BANK1: variants seen among roughly 807,000 people sequenced by gnomAD.
BANK1 encodes B cell scaffold protein with ankyrin repeats 1, also known as B-cell scaffold protein with ankyrin repeats.
Under a neutral mutation model 94.5 loss-of-function variants are expected in BANK1, and 95 were observed. That is an observed-to-expected ratio of 1.00 (90% CI 0.85 to 1.19). The LOEUF (loss-of-function observed/expected upper bound fraction) is 1.19. Among genes scored for constraint, BANK1 ranks in the 50% most tolerant of loss-of-function variants. BANK1 has a pLI of 0.00. For missense variants in BANK1, 987 were observed against 932.2 expected (o/e 1.06, Z -0.77); for synonymous variants, 334 against 308.4 (o/e 1.08, Z -0.87).
At chr4:101,869,716 T>C (rs1728212213) in intron 4 of BANK1, among the ~76,000 whole-genome samples, 2 of 151,934 alleles carry the variant, frequency 1.3e-5, no homozygotes, top group African/African-American at 2.4e-5. Flanking sequence ...TTGGGAAATA[T>C]CTCAATGACA....
At chr4:101,959,428 A>G (rs1381829819) in intron 7 of BANK1, among the ~76,000 whole-genome samples, 1 of 152,110 alleles carries the variant, frequency 6.6e-6, no homozygotes, top group Non-Finnish European at 1.5e-5. Context: ...GTGAGCCACC[A>G]TGCCTGGCCC....
chr4:101,908,087 C>CTTA (rs1722522949), intron 6 of BANK1, among the ~76,000 whole-genome samples: 1 of 152,160 alleles, frequency 6.6e-6, no homozygotes, highest in Non-Finnish European at 1.5e-5. Context: ...AAAAAGAGCC[C>CTTA]GCATTGCCAA....
At chr4:101,841,936 G>C (rs1229103554) in intron 2 of BANK1, among the ~76,000 whole-genome samples, 1 of 151,586 alleles carries the variant, frequency 6.6e-6, no homozygotes, top group Non-Finnish European at 1.5e-5. Context: ...ATGTAGGGAG[G>C]AGCAAAAATT....
chr4:101,907,551 C>T (rs1722496552), intron 6 of BANK1, among the ~76,000 whole-genome samples: 1 of 152,082 alleles, frequency 6.6e-6, no homozygotes, highest in Non-Finnish European at 1.5e-5. Context: ...GAAGTTCTGG[C>T]CAGGGCAATC....
At chr4:102,070,167 G>C (rs922960661) in intron 13 of BANK1, among the ~76,000 whole-genome samples, 2 of 152,128 alleles carry the variant, frequency 1.3e-5, no homozygotes, top group African/African-American at 2.4e-5. Flanking sequence ...GGAAAGAAAA[G>C]CATATTTGAA....
At chr4:102,069,632 A>G (rs1480118872) in intron 13 of BANK1, among the ~76,000 whole-genome samples, 1 of 152,228 alleles carries the variant, frequency 6.6e-6, no homozygotes, top group Non-Finnish European at 1.5e-5. Context: ...GTTCACACAA[A>G]GACTTGTTCA....
intron 7 of BANK1, among the ~76,000 whole-genome samples, chr4:101,982,660 T>C (rs1047733964): frequency 6.6e-6 from 1 of 151,972 alleles, no homozygotes; most frequent in South Asian, 2.1e-4. Flanking sequence ...ATCACACCTT[T>C]GGATTATCAT....
chr4:101,918,842 A>T (rs1722913495), intron 7 of BANK1, among the ~76,000 whole-genome samples: 1 of 151,984 alleles, frequency 6.6e-6, no homozygotes, highest in African/African-American at 2.4e-5. Context: ...TGATTGTCAG[A>T]TTAAGCCAAT....
chr4:101,801,953 T>A (rs1725368326), intron 1 of BANK1, among the ~76,000 whole-genome samples: 1 of 152,252 alleles, frequency 6.6e-6, no homozygotes, highest in Non-Finnish European at 1.5e-5. Flanking sequence ...AGTGCGTTCC[T>A]CTTGAAGTCC....
At chr4:101,968,987 G>A (rs543947666) in intron 7 of BANK1, among the ~76,000 whole-genome samples, 1 of 152,156 alleles carries the variant, frequency 6.6e-6, no homozygotes, top group East Asian at 1.9e-4. Context: ...TTAGTTTCGG[G>A]TTTCAGAAAA....
At chr4:101,966,398 G>A (rs1014492133) in intron 7 of BANK1, among the ~76,000 whole-genome samples, 1 of 152,006 alleles carries the variant, frequency 6.6e-6, no homozygotes, top group Non-Finnish European at 1.5e-5. Context: ...CCACAAGTGT[G>A]TCATTTGATT....
intron 11 of BANK1, among the ~76,000 whole-genome samples, chr4:102,050,933 C>T (rs1728026866): frequency 6.6e-6 from 1 of 151,968 alleles, no homozygotes; most frequent in African/African-American, 2.4e-5. Flanking sequence ...AGCTTGTAAC[C>T]CCTAGTATAG....
intron 6 of BANK1, among the ~76,000 whole-genome samples, chr4:101,908,088 G>A (rs546063940): frequency 1.2e-4 from 19 of 152,260 alleles, no homozygotes; most frequent in East Asian, 1.9e-4. Context: ...AAAAGAGCCC[G>A]CATTGCCAAG....
At chr4:102,048,728 A>T (rs1159432950) in intron 11 of BANK1, among the ~76,000 whole-genome samples, 1 of 152,188 alleles carries the variant, frequency 6.6e-6, no homozygotes, top group Non-Finnish European at 1.5e-5. Flanking sequence ...CTGTTTTCCC[A>T]TTGAAAGTAT....
intron 2 of BANK1, among the ~76,000 whole-genome samples, chr4:101,835,976 C>A (rs1364910409): frequency 1.3e-5 from 2 of 152,142 alleles, no homozygotes; most frequent in Non-Finnish European, 2.9e-5. Flanking sequence ...CAGTTGAAAT[C>A]TCAACCATCC....
At chr4:101,834,119 T>C (rs895316406) in intron 2 of BANK1, among the ~76,000 whole-genome samples, 6 of 152,218 alleles carry the variant, frequency 3.9e-5, no homozygotes, top group East Asian at 1.9e-4. Flanking sequence ...ATATTTGATA[T>C]ATACCTTTTT....
chr4:101,927,031 G>C (rs1723178499), intron 7 of BANK1, among the ~76,000 whole-genome samples: 1 of 151,698 alleles, frequency 6.6e-6, no homozygotes, highest in Admixed American at 6.6e-5. Flanking sequence ...AAAGGCATTA[G>C]AGAATTCTGA....
chr4:102,066,834 A>AAGAC (rs1248293913), intron 13 of BANK1, among the ~76,000 whole-genome samples: 1 of 152,182 alleles, frequency 6.6e-6, no homozygotes, highest in African/African-American at 2.4e-5. Context: ...AATTACTTCA[A>AAGAC]AGACAATTGT....
At chr4:101,935,292 G>C (rs1285993379) in intron 7 of BANK1, among the ~76,000 whole-genome samples, 5 of 151,532 alleles carry the variant, frequency 3.3e-5, no homozygotes, top group East Asian at 3.9e-4. Context: ...TTCTTAAGTA[G>C]TCAATCAGGA....
Sources: gnomAD v4.1 joint callset for allele counts (sites outside exome capture counted in the v4.1 genomes callset) on GRCh38, gnomAD v4.1.1 for gene constraint, MANE v1.5 for transcripts, NCBI Gene and HGNC (gene_info 2026-07-23, HGNC 2026-07-21) for gene names.